The following GABRG3 variants were observed in gnomAD, a reference collection of about 807,000 sequenced individuals.
GABRG3 encodes gamma-aminobutyric acid type A receptor subunit gamma3.
GABRG3 carries 25 observed loss-of-function variants against 48.8 expected under a neutral mutation model. The ratio of observed to expected loss-of-function variants is 0.51; its 90% CI spans 0.37 to 0.72. The LOEUF (loss-of-function observed/expected upper bound fraction) is 0.72. Among genes scored for constraint, GABRG3 ranks in the 30% least tolerant of loss-of-function variants. The pLI, the probability that GABRG3 is intolerant of heterozygous loss-of-function variation, is 0.00. For synonymous variants in GABRG3, 227 were observed against 217.6 expected (o/e 1.04, Z -0.38); for missense variants, 394 against 577.9 (o/e 0.68, Z 3.26).
At chr15:27,011,163 G>A (rs983401183) in intron 2 of GABRG3, among the ~76,000 whole-genome samples, 2 of 152,172 alleles carry the variant, frequency 1.3e-5, no homozygotes, top group Non-Finnish European at 2.9e-5. Context: ...CACTGTTCCC[G>A]GGCAAACACT....
At position 27,001,888 on chromosome 15, in the gene GABRG3, G is replaced by GTTTTTTTTTTTTTTT. The variant is rs60516105; in HGVS notation, c.202+24739_202+24753dup. On this transcript the variant is annotated intron_variant, in intron 2 of 9. Coordinates refer to ENST00000615808, the MANE Select transcript of GABRG3 (RefSeq NM_033223.5). ...CTTGAAGAGAGGTTCCCATAACTCA[G>GTTTTTTTTTTTTTTT]TTTTTTTTTTTTTTTAAGATATGGT... 4.5e-4 allele frequency among the ~76,000 whole-genome samples: 54 copies of GTTTTTTTTTTTTTTT among 121,194 alleles called. 3 individuals are homozygous for GTTTTTTTTTTTTTTT. The highest frequency in any genetic ancestry group is 6.3e-4 in the African/African-American group (20 of 31,534). 79.5% of individuals were successfully genotyped at this position (121,194 alleles called of 152,430 possible).
intron 3 of GABRG3, among the ~76,000 whole-genome samples, chr15:27,065,637 G>A (rs1896725251): frequency 6.6e-6 from 1 of 152,212 alleles, no homozygotes; most frequent in Non-Finnish European, 1.5e-5. Context: ...TAAAAGATGT[G>A]TAGCATAAGA....
At position 27,145,603 on chromosome 15, in the gene GABRG3, C is replaced by CTA. The variant is rs1555405976; in HGVS notation, c.270+118783_270+118784insAT. Reference sequence around the variant, plus strand: ...ACTAGGCATATATACATATATCTATCTCTATCTATCTATCTATCTATCTAT... The same window carrying CTA: ...ACTAGGCATATATACATATATCTATCTATCTATCTATCTATCTATCTATCTAT... On this transcript the variant is annotated intron_variant, in intron 3 of 9. Transcript: ENST00000615808. Among the ~76,000 whole-genome samples the CTA allele has an allele frequency of 1.6e-3, 168 of 102,388 alleles. 2 individuals are homozygous for CTA. Among genetic ancestry groups the CTA allele is most frequent in the African/African-American group, 5.1e-3 (147 of 28,586 alleles). 67.2% of individuals were successfully genotyped at this position (102,388 alleles called of 152,430 possible). A position where few individuals can be genotyped will look rare whatever the true frequency, so the allele number is the denominator to read the frequency against.
intron 6 of GABRG3, among the ~76,000 whole-genome samples, chr15:27,509,024 C>T (rs1280529143): frequency 6.6e-6 from 1 of 152,092 alleles, no homozygotes; most frequent in Non-Finnish European, 1.5e-5. Flanking sequence ...CGGCTGAATT[C>T]CCTCAGTTTT....
intron 3 of GABRG3, among the ~76,000 whole-genome samples, chr15:27,034,423 C>T (rs900300584): frequency 6.6e-6 from 1 of 152,098 alleles, no homozygotes; most frequent in Admixed American, 6.6e-5. Flanking sequence ...AATACCTTTG[C>T]ACATTAAGTG....
chr15:27,220,131 G>A (rs575545995), intron 3 of GABRG3, among the ~76,000 whole-genome samples: 2 of 152,308 alleles, frequency 1.3e-5, no homozygotes, highest in Admixed American at 6.5e-5. Context: ...ACAGGCAAGA[G>A]TTTTTAAAGG....
At chr15:27,222,182 A>T (rs1033132157) in intron 3 of GABRG3, among the ~76,000 whole-genome samples, 1 of 152,146 alleles carries the variant, frequency 6.6e-6, no homozygotes, top group South Asian at 2.1e-4. Flanking sequence ...GGGTGGAATC[A>T]CCCCTCTCCT....
chr15:27,288,136 A>G (rs1363217366), intron 3 of GABRG3, among the ~76,000 whole-genome samples: 1 of 152,018 alleles, frequency 6.6e-6, no homozygotes, highest in East Asian at 1.9e-4. Context: ...GCCCCCAGAC[A>G]TGTCTACTTC....
intron 5 of GABRG3, among the ~76,000 whole-genome samples, chr15:27,438,792 G>T (rs1385818331): frequency 1.3e-5 from 2 of 152,192 alleles, no homozygotes; most frequent in Non-Finnish European, 2.9e-5. Flanking sequence ...AGTACATTAT[G>T]ATTTTCTATA....
intron 3 of GABRG3, among the ~76,000 whole-genome samples, chr15:27,092,335 A>T (rs1265700282): frequency 6.6e-6 from 1 of 152,190 alleles, no homozygotes; most frequent in African/African-American, 2.4e-5. Flanking sequence ...TGCATTTCCA[A>T]ATAAATGCAA....
intron 3 of GABRG3, among the ~76,000 whole-genome samples, chr15:27,284,909 G>A (rs1407720671): frequency 6.6e-6 from 1 of 152,158 alleles, no homozygotes; most frequent in African/African-American, 2.4e-5. Flanking sequence ...TTTTGGAGGT[G>A]AGAAACAGGA....
At chr15:27,017,701 G>C (rs968921196) in intron 2 of GABRG3, among the ~76,000 whole-genome samples, 1 of 152,176 alleles carries the variant, frequency 6.6e-6, no homozygotes, top group Non-Finnish European at 1.5e-5. Context: ...ATTTTCCTAC[G>C]GGGACTTCTG....
intron 3 of GABRG3, among the ~76,000 whole-genome samples, chr15:27,153,121 A>G (rs1898352133): frequency 6.6e-6 from 1 of 152,160 alleles, no homozygotes; most frequent in Admixed American, 6.5e-5. Flanking sequence ...TCGGCCTCCC[A>G]AAGTGCTGGG....
chr15:27,190,377 G>C (rs13380044), intron 3 of GABRG3, among the ~76,000 whole-genome samples: 5,372 of 152,204 alleles, frequency 0.035, 187 homozygotes, highest in African/African-American at 0.095. Context: ...TGGTTGGTAA[G>C]CTATTGATTA....
intron 5 of GABRG3, among the ~76,000 whole-genome samples, chr15:27,410,200 T>C (rs930091864): frequency 6.6e-6 from 1 of 152,248 alleles, no homozygotes; most frequent in Non-Finnish European, 1.5e-5. Flanking sequence ...TAGTCTATTG[T>C]TACGGTGGAT....
At chr15:27,359,386 G>A (rs1026975962) in intron 5 of GABRG3, among the ~76,000 whole-genome samples, 13 of 152,284 alleles carry the variant, frequency 8.5e-5, no homozygotes, top group African/African-American at 3.1e-4. Context: ...TGGTGTGTTT[G>A]ATTTTATTCA....
chr15:27,482,187 TAATC>T (rs1419420971), intron 6 of GABRG3, among the ~76,000 whole-genome samples: 4 of 152,234 alleles, frequency 2.6e-5, no homozygotes, highest in African/African-American at 9.6e-5. Flanking sequence ...AACGAAATTA[TAATC>T]AATCTCTAAA....
rs1018681496 is a variant in GABRG3 at position 27,537,342 on chromosome 15, C to G, written c.*4461C>G. 6.6e-6 allele frequency: 1 copy of G among 152,110 alleles called. No homozygotes were observed. The highest frequency in any genetic ancestry group is 6.5e-5 in the Admixed American group (1 of 15,274). 9.4% of individuals were successfully genotyped at this position (152,110 alleles called of 1,614,324 possible). ...TAAATTTACAATATTCTCCTGAGCC[C>G]CCTTCCAATTTCCCAAAATTGAGAA... is the stretch of plus-strand genomic sequence containing the variant. On this transcript the variant is annotated 3_prime_UTR_variant, in exon 10 of 10. Transcript: ENST00000615808.
intron 3 of GABRG3, among the ~76,000 whole-genome samples, chr15:27,115,044 T>C (rs1332652165): frequency 6.6e-6 from 1 of 152,214 alleles, no homozygotes; most frequent in East Asian, 1.9e-4. Context: ...AATTTATCTT[T>C]CATATTATCA....
Sources: gnomAD v4.1 joint callset for allele counts (sites outside exome capture counted in the v4.1 genomes callset) on GRCh38, gnomAD v4.1.1 for gene constraint, MANE v1.5 for transcripts, NCBI Gene and HGNC (gene_info 2026-07-23, HGNC 2026-07-21) for gene names.